Variants in MANSC4 observed in about 807,000 individuals in gnomAD.
The protein encoded by MANSC4 is MANSC domain containing 4, also known as MANSC domain-containing protein 4.
MANSC4 carries 11 observed loss-of-function variants against 11.4 expected under a neutral mutation model. That is an observed-to-expected ratio of 0.97 (90% CI 0.61 to 1.60). MANSC4 has a LOEUF of 1.60. Ranked by LOEUF, MANSC4 falls within the 40% of genes most tolerant of loss-of-function variation. The probability of loss-of-function intolerance (pLI) is 0.00; values close to 1 mark genes in which losing one functional copy is unlikely to be tolerated. For missense variants in MANSC4, 354 were observed against 404.6 expected, an observed-to-expected ratio of 0.88 and a Z score of 1.07; for synonymous variants, 123 against 147.1, an observed-to-expected ratio of 0.84 and a Z score of 1.19.
intron 1 of MANSC4, among the ~76,000 whole-genome samples, chr12:27,778,055 G>A (rs973623187): frequency 1.3e-5 from 2 of 151,708 alleles, no homozygotes; most frequent in Admixed American, 6.6e-5. Flanking sequence ...GTGAAACCCC[G>A]TCTCTACTAA....
intron 2 of MANSC4, among the ~76,000 whole-genome samples, chr12:27,767,011 G>A (rs1221697171): frequency 1.3e-5 from 2 of 152,068 alleles, no homozygotes; most frequent in African/African-American, 4.8e-5. Flanking sequence ...ACAGGGTCTT[G>A]CTCTGTCACT....
chr12:27,768,885 C>T (rs2062086981), intron 2 of MANSC4, among the ~76,000 whole-genome samples: 2 of 152,274 alleles, frequency 1.3e-5, no homozygotes, highest in Admixed American at 1.3e-4. Context: ...CTGCCTCGGC[C>T]TCCCAAAGTG....
chr12:27,765,468 C>CA (rs1373718607), intron 3 of MANSC4, among the ~76,000 whole-genome samples: 1 of 152,164 alleles, frequency 6.6e-6, no homozygotes, highest in Non-Finnish European at 1.5e-5. Context: ...ATTTTCATTG[C>CA]AACTACATGT....
Position 27,769,470 on chromosome 12 carries a change from C to T in MANSC4, c.229+1578G>A, listed in dbSNP as rs138348271. Among the ~76,000 whole-genome samples the T allele has an allele frequency of 1.8e-3, 280 of 152,258 alleles. 1 individual carries two copies. Among genetic ancestry groups the T allele is most frequent in the African/African-American group, 6.3e-3 (262 of 41,538 alleles). The stretch of plus-strand genomic sequence containing the variant: ...TTTAAAATCATGGGATTGCCCTATA[C>T]GCTTACAGTATCCCCGACAGTCCAA... On this transcript the variant is annotated intron_variant, in intron 2 of 3. Coordinates refer to ENST00000381273, the MANE Select transcript of MANSC4 (RefSeq NM_001146221.5).
chr12:27,778,382 T>C (rs1246181243), intron 1 of MANSC4, among the ~76,000 whole-genome samples: 1 of 152,158 alleles, frequency 6.6e-6, no homozygotes, highest in African/African-American at 2.4e-5. Context: ...CAAACTATGT[T>C]GAAAGGATCT....
chr12:27,764,142 T>G (rs1191634343), intron 3 of MANSC4, among the ~76,000 whole-genome samples: 1 of 152,220 alleles, frequency 6.6e-6, no homozygotes, highest in African/African-American at 2.4e-5. Flanking sequence ...TCTGAGGGTC[T>G]TGCTTTGTCT....
intron 1 of MANSC4, among the ~76,000 whole-genome samples, chr12:27,774,271 A>C (rs1360751117): frequency 1.3e-5 from 2 of 152,236 alleles, no homozygotes; most frequent in African/African-American, 2.4e-5. Flanking sequence ...GCATAGCTTT[A>C]GTAAATTCAA....
intron 2 of MANSC4, 39 bp downstream of exon 2, chr12:27,771,009 T>G: frequency 6.8e-7 from 1 of 1,470,828 alleles, no homozygotes; most frequent in Non-Finnish European, 9.2e-7. Context: ...CCTTGGAAGT[T>G]TCTTCTTATT....
chr12:27,762,652 A>ATTTTTT lies in MANSC4; in HGVS notation c.*80_*85dup. On this transcript the variant is annotated 3_prime_UTR_variant, in exon 4 of 4. Transcript: ENST00000381273. The stretch of plus-strand genomic sequence containing the variant: ...AGGCATGAACCACCACGCCCAGCCT[A>ATTTTTT]TTTTTTTTTTTTAACCAAACTGCGT... The ATTTTTT allele has an allele frequency of 2.8e-6, 3 of 1,088,356 alleles. No individual in the cohort carries two copies. Among genetic ancestry groups the ATTTTTT allele is most frequent in the Non-Finnish European group, 3.7e-6 (3 of 805,408 alleles). The allele number at this position is 1,088,356 out of a possible 1,614,324, so 67.4% of individuals were successfully genotyped here.
chr12:27,765,310 A>C (rs924280488), intron 3 of MANSC4, among the ~76,000 whole-genome samples: 3 of 152,222 alleles, frequency 2.0e-5, no homozygotes, highest in African/African-American at 7.2e-5. Context: ...CTGTACCTGC[A>C]TATAATTTTC....
intron 1 of MANSC4, among the ~76,000 whole-genome samples, chr12:27,776,090 A>T (rs900609150): frequency 2.1e-4 from 29 of 135,128 alleles, no homozygotes; most frequent in African/African-American, 7.5e-4. Flanking sequence ...GACTGTCTCA[A>T]AAAAAAAAAA....
chr12:27,779,606 G>A (rs2062134784), intron 1 of MANSC4, among the ~76,000 whole-genome samples: 1 of 152,162 alleles, frequency 6.6e-6, no homozygotes, highest in African/African-American at 2.4e-5. Context: ...TAGATCGCCT[G>A]CGTGCCTCAG....
At chr12:27,775,664 A>T in intron 1 of MANSC4, among the ~76,000 whole-genome samples, 1 of 152,112 alleles carries the variant, frequency 6.6e-6, no homozygotes, top group East Asian at 1.9e-4. Flanking sequence ...GGCCTCCCAA[A>T]GTGCTGGGAT....
At chr12:27,771,688 A>T (rs777504880) in intron 1 of MANSC4, among the ~76,000 whole-genome samples, 106 bp from the exon 2 acceptor site, 2 of 152,228 alleles carry the variant, frequency 1.3e-5, no homozygotes, top group African/African-American at 2.4e-5. Context: ...GTCACTTGAC[A>T]TCAGATAAAG....
chr12:27,779,344 A>G (rs186931863), intron 1 of MANSC4, among the ~76,000 whole-genome samples: 1 of 152,348 alleles, frequency 6.6e-6, no homozygotes, highest in African/African-American at 2.4e-5. Flanking sequence ...GCAATGGCTC[A>G]TAGAAAACAT....
intron 3 of MANSC4, 40 bp downstream of exon 3, chr12:27,766,625 G>T: frequency 6.5e-7 from 1 of 1,539,690 alleles, no homozygotes; most frequent in Non-Finnish European, 8.8e-7. Context: ...CTAGAATATC[G>T]CCAGCATTCT....
chr12:27,765,686 C>T (rs2062069484), intron 3 of MANSC4, among the ~76,000 whole-genome samples: 1 of 152,144 alleles, frequency 6.6e-6, no homozygotes, highest in South Asian at 2.1e-4. Flanking sequence ...GTCACATCAT[C>T]TAGATTATAA....
At chr12:27,772,499 G>A (rs1308052555) in intron 1 of MANSC4, among the ~76,000 whole-genome samples, 5 of 151,998 alleles carry the variant, frequency 3.3e-5, no homozygotes, top group Non-Finnish European at 5.9e-5. Context: ...TTTATTTTTA[G>A]AAACATGATA....
intron 3 of MANSC4, among the ~76,000 whole-genome samples, chr12:27,765,258 C>T (rs2062067418): frequency 6.6e-6 from 1 of 152,224 alleles, no homozygotes; most frequent in Non-Finnish European, 1.5e-5. Flanking sequence ...ACTACAGTCA[C>T]TTTGTGCAGA....
Sources: gnomAD v4.1 joint callset for allele counts (sites outside exome capture counted in the v4.1 genomes callset) on GRCh38, gnomAD v4.1.1 for gene constraint, MANE v1.5 for transcripts, NCBI Gene and HGNC (gene_info 2026-07-23, HGNC 2026-07-21) for gene names.